The following SLC38A4 variants were observed in gnomAD, a reference collection of about 807,000 sequenced individuals.
SLC38A4 encodes the protein solute carrier family 38 member 4.
SLC38A4 carries 20 observed loss-of-function variants against 63.1 expected under a neutral mutation model. That is an observed-to-expected ratio of 0.32 (90% CI 0.22 to 0.46). The LOEUF is 0.46. Among genes scored for constraint, SLC38A4 ranks in the 20% least tolerant of loss-of-function variants. SLC38A4 has a pLI of 1.00. For synonymous variants in SLC38A4, 230 were observed against 225.5 expected, an observed-to-expected ratio of 1.02 and a Z score of -0.18; for missense variants, 526 against 663.6, an observed-to-expected ratio of 0.79 and a Z score of 2.28.
chr12:46,773,752 G>A (rs1025919049), intron 14 of SLC38A4, among the ~76,000 whole-genome samples: 5 of 152,124 alleles, frequency 3.3e-5, no homozygotes, highest in Admixed American at 1.3e-4. Context: ...TCTGTGTGAC[G>A]ATGGCCAATT....
intron 1 of SLC38A4, among the ~76,000 whole-genome samples, chr12:46,811,292 A>G (rs1939335875): frequency 1.3e-5 from 2 of 152,134 alleles, no homozygotes; most frequent in African/African-American, 4.8e-5. Flanking sequence ...TGCCCATGAC[A>G]TCTGAGGGGC....
rs768257814 is a variant in SLC38A4 at position 46,766,625 on chromosome 12, T to C, written c.*76A>G. 1 of 999,034 alleles carries C rather than the reference T, an allele frequency of 1.0e-6. No individual in the cohort carries two copies. The highest frequency in any genetic ancestry group is 2.0e-5 in the Admixed American group (1 of 50,984). The allele number at this position is 999,034 out of a possible 1,614,324, so 61.9% of individuals were successfully genotyped here. Reference sequence around the variant, plus strand: ...TTATTTCCTATGAATAACATTCCAATCAAGATAATTCAAATATCTTTTGGA... The same window carrying C: ...TTATTTCCTATGAATAACATTCCAACCAAGATAATTCAAATATCTTTTGGA... On this transcript the variant is annotated 3_prime_UTR_variant, in exon 17 of 17. Transcript: ENST00000266579.
upstream of SLC38A4, among the ~76,000 whole-genome samples, chr12:46,830,063 C>T (rs928890762): frequency 1.6e-5 from 2 of 128,130 alleles, no homozygotes; most frequent in African/African-American, 2.6e-5. Flanking sequence ...GCCTCCTGTC[C>T]CAGCAGCCTC....
intron 2 of SLC38A4, among the ~76,000 whole-genome samples, chr12:46,802,448 A>G (rs1477440738): frequency 2.0e-5 from 3 of 152,006 alleles, no homozygotes; most frequent in South Asian, 4.1e-4. Context: ...TAACTCACAT[A>G]ACTAAAAAAC....
rs1938362576 is a variant in SLC38A4, at chr12:46,769,317, C to T, written c.1411G>A (p.Val471Met). 6.2e-7 allele frequency: 1 copy of T among 1,613,146 alleles called. No homozygotes were observed. The highest frequency in any genetic ancestry group is 1.1e-5 in the South Asian group (1 of 91,066). ...IALNNVLVILVPTIKYIFGFI... is the reference protein window; with the variant it reads ...IALNNVLVILMPTIKYIFGFI... ...CCGAAGATGTATTTTATAGTTGGCA[C>T]AAGGATGACCAGAACATTATTAAGT... is the stretch of plus-strand genomic sequence containing the variant. The change falls in exon 15 of 17, where the codon GTG (valine) becomes ATG (methionine). Residue 471 changes from valine to methionine, a missense_variant. By Grantham distance (21) the Val-to-Met change is conservative (BLOSUM62 1). Coordinates refer to ENST00000266579, the MANE Select transcript of SLC38A4 (RefSeq NM_018018.5).
chr12:46,821,140 C>T (rs1409761258), intron 1 of SLC38A4, among the ~76,000 whole-genome samples: 4 of 151,970 alleles, frequency 2.6e-5, no homozygotes, highest in Non-Finnish European at 1.5e-5. Flanking sequence ...TTATTTCCTT[C>T]GCTGTGCAGA....
At chr12:46,826,476 T>C (rs190888565), upstream of SLC38A4, among the ~76,000 whole-genome samples, 6 of 152,348 alleles carry the variant, frequency 3.9e-5, no homozygotes, top group Admixed American at 2.6e-4. Context: ...AGTATCATCA[T>C]CACAATAATT....
intron 14 of SLC38A4, among the ~76,000 whole-genome samples, chr12:46,770,156 CTTG>C (rs1034611980): frequency 1.3e-5 from 2 of 151,936 alleles, no homozygotes; most frequent in Non-Finnish European, 2.9e-5. Flanking sequence ...TAGTAAAACC[CTTG>C]TTGATCACAA....
intron 5 of SLC38A4, among the ~76,000 whole-genome samples, chr12:46,787,031 T>C (rs1406806330): frequency 1.3e-5 from 2 of 152,208 alleles, no homozygotes; most frequent in Non-Finnish European, 2.9e-5. Flanking sequence ...CTGTACATGA[T>C]GCACATAAAC....
At chr12:46,785,738 C>CCTTTTTTTTTTTTTTTTTTTTTTTT (rs1489385010) in intron 5 of SLC38A4, among the ~76,000 whole-genome samples, 1 of 66,900 alleles carries the variant, frequency 1.5e-5, no homozygotes. Context: ...ACGAAAATTC[C>CCTTTTTTTTTTTTTTTTTTTTTTTT]TTTTTTTTTT....
intron 1 of SLC38A4, among the ~76,000 whole-genome samples, chr12:46,809,084 T>C (rs1939291312): frequency 6.6e-6 from 1 of 152,044 alleles, no homozygotes; most frequent in Non-Finnish European, 1.5e-5. Context: ...ATTTTGTAAT[T>C]TCATTAGTGA....
Position 46,778,864 on chromosome 12 carries a change from G to C in SLC38A4, c.718-88C>G, listed in dbSNP as rs910294120. On this transcript the variant is annotated intron_variant, in intron 10 of 16. Transcript: ENST00000266579. ...AATCCATATGTGTGGCTTATAGGGTGGGGGGTGAGGGAACTCAGTTAGGGA... is the reference window on the plus strand; with the variant it reads ...AATCCATATGTGTGGCTTATAGGGTCGGGGGTGAGGGAACTCAGTTAGGGA... 1.1e-4 allele frequency: 133 copies of C among 1,185,424 alleles called. 2 individuals carry two copies. The South Asian group carries it at 1.1e-3, about 10-fold the overall frequency. 73.4% of individuals were successfully genotyped at this position (1,185,424 alleles called of 1,614,324 possible). A position where few individuals can be genotyped will look rare whatever the true frequency, so the allele number is the denominator to read the frequency against.
intron 2 of SLC38A4, among the ~76,000 whole-genome samples, chr12:46,798,796 T>A (rs879575579): frequency 6.6e-6 from 1 of 151,970 alleles, no homozygotes; most frequent in Admixed American, 6.6e-5. Flanking sequence ...GTGAGTACAA[T>A]TTTTTTTCTT....
chr12:46,806,321 G>T (rs138975003), intron 1 of SLC38A4, among the ~76,000 whole-genome samples: 28 of 152,114 alleles, frequency 1.8e-4, no homozygotes, highest in African/African-American at 6.3e-4. Context: ...ACTGCAAAAG[G>T]TGTTAAGTCT....
chr12:46,769,244 G>A (rs945322786), intron 15 of SLC38A4, 40 bp downstream of exon 15: 1 of 1,608,988 alleles, frequency 6.2e-7, no homozygotes. Flanking sequence ...AATGAGGCGT[G>A]AGTTTGGGTT....
Position 46,768,426 on chromosome 12 carries a change from G to A in SLC38A4, c.1445-19C>T, listed in dbSNP as rs1407012016. ...GAAGCCCCTGAGAAGACAAACACAG[G>A]GCAAGGTCAATGTCTTACCCAGCAG... On this transcript the variant is annotated intron_variant, in intron 15 of 16. Coordinates refer to ENST00000266579, the MANE Select transcript of SLC38A4 (RefSeq NM_018018.5). 1.9e-5 allele frequency: 30 copies of A among 1,591,962 alleles called. No homozygotes were observed. The Admixed American group carries it at 5.1e-4, about 27-fold the overall frequency.
In SLC38A4 at chr12:46,768,405, C is replaced by A. The variant is rs765020454; in HGVS notation, c.1447G>T (p.Ala483Ser). The A allele has an allele frequency of 2.5e-6, 4 of 1,607,928 alleles. No individual in the cohort carries two copies. In the African/African-American group the frequency reaches 5.4e-5, roughly 22 times the overall value. The part of the protein sequence containing the change: ...TIKYIFGFIG[A>S]SSATMLIFIL... ...AAAATCAGCATAGTGGCAGAAGAAG[C>A]CCCTGAGAAGACAAACACAGGGCAA... is the stretch of plus-strand genomic sequence containing the variant. The change falls in exon 16 of 17, where the codon GCT becomes TCT. Residue 483 changes from alanine (A) to serine (S), a missense_variant and splice_region_variant. Physicochemically the swap from Ala to Ser is moderately conservative, Grantham distance 99. Coordinates refer to ENST00000266579, the MANE Select transcript of SLC38A4 (RefSeq NM_018018.5).
chr12:46,791,519 A>G (rs1185285670), intron 3 of SLC38A4, among the ~76,000 whole-genome samples: 16 of 152,196 alleles, frequency 1.1e-4, no homozygotes, highest in Admixed American at 1.0e-3. Flanking sequence ...TGGGTGTTGT[A>G]AATAAAATGA....
intron 2 of SLC38A4, among the ~76,000 whole-genome samples, chr12:46,798,809 T>C (rs1939071320): frequency 6.6e-6 from 1 of 152,100 alleles, no homozygotes; most frequent in Non-Finnish European, 1.5e-5. Context: ...TTTTTCTTAT[T>C]CCCATTGTAC....
Sources: gnomAD v4.1 joint callset for allele counts (sites outside exome capture counted in the v4.1 genomes callset) on GRCh38, gnomAD v4.1.1 for gene constraint, MANE v1.5 for transcripts, NCBI Gene and HGNC (gene_info 2026-07-23, HGNC 2026-07-21) for gene names.